DNAH2: variants seen among roughly 807,000 people sequenced by gnomAD.
DNAH2 encodes the protein dynein axonemal heavy chain 2.
Under a neutral mutation model 523.5 loss-of-function variants are expected in DNAH2, and 323 were observed. The ratio of observed to expected loss-of-function variants is 0.62; its 90% confidence interval spans 0.56 to 0.68. DNAH2 has a LOEUF of 0.68. DNAH2 is among the 30% of genes least tolerant of loss of function. DNAH2 has a pLI of 0.00. For missense variants in DNAH2, 4,907 were observed against 5,701.5 expected (o/e 0.86, Z 4.49); for synonymous variants, 2,093 against 2,177.4 (o/e 0.96, Z 1.08).
Position 7,831,011 on chromosome 17 carries a change from T to C in DNAH2, c.12231-75T>C. On this transcript the variant is annotated intron_variant, in intron 79 of 85. Transcript: ENST00000572933. This position sits in a 1 kb window ranked among gnomAD's most constrained non-coding sequence, Gnocchi z 4.2. ...GGGAGCTGGACAAATTGGACATGCA[T>C]AGGTTTGGGGTCTTGGCCTGGCATT... The C allele has an allele frequency of 6.5e-7, 1 of 1,527,606 alleles. No homozygotes were observed. The highest frequency in any genetic ancestry group is 1.2e-5 in the South Asian group (1 of 86,862). 94.6% of individuals were successfully genotyped at this position (1,527,606 alleles called of 1,614,324 possible).
Position 7,766,268 on chromosome 17 carries a change from C to G in DNAH2, c.3512-50C>G, listed in dbSNP as rs369811609. 1.9e-6 allele frequency: 3 copies of G among 1,590,576 alleles called. No individual in the cohort carries two copies. In the African/African-American group the frequency reaches 4.0e-5, roughly 21 times the overall value. On this transcript the variant is annotated intron_variant, in intron 21 of 85. Coordinates refer to ENST00000572933, the MANE Select transcript of DNAH2 (RefSeq NM_020877.5). The stretch of plus-strand genomic sequence containing the variant: ...AAAGAGATAGGAGAGCCATGGCTGT[C>G]CTTGCCAGACGTGAGCGGGAAGCTG...
At chr17:7,766,640 CTTTTTTT>C (rs58072098) in intron 22 of DNAH2, among the ~76,000 whole-genome samples, 159 bp downstream of exon 22, 4,719 of 84,398 alleles carry the variant, frequency 0.056, 121 homozygotes, top group Middle Eastern at 0.12. Context: ...AAAATTAATC[CTTTTTTT>C]TTTTTTTTTT....
At position 7,786,752 on chromosome 17, in the gene DNAH2, G is replaced by A; in HGVS notation, c.6466+65G>A. The A allele has an allele frequency of 6.3e-7, 1 of 1,599,640 alleles. No homozygotes were observed. ...AGTCTCCTAAGGGGGCAGGGAGTCTGGGGATAGGAAGTTCCAAGTTGGGAG... is the reference window on the plus strand; with the variant it reads ...AGTCTCCTAAGGGGGCAGGGAGTCTAGGGATAGGAAGTTCCAAGTTGGGAG... On this transcript the variant is annotated intron_variant, in intron 41 of 85. Transcript: ENST00000572933. The surrounding 1 kb of genome is among the most constrained non-coding windows in gnomAD (Gnocchi z 7.5).
chr17:7,751,838 G>A (rs1367538377), intron 12 of DNAH2, among the ~76,000 whole-genome samples: 1 of 151,842 alleles, frequency 6.6e-6, no homozygotes, highest in Non-Finnish European at 1.5e-5. Context: ...TATTTTTATA[G>A]GAATAGAGAT....
chr17:7,806,396 G>A (rs1319292630), intron 61 of DNAH2, among the ~76,000 whole-genome samples: 1 of 152,092 alleles, frequency 6.6e-6, no homozygotes, highest in Admixed American at 6.6e-5. Flanking sequence ...GGTGGCTCAC[G>A]CCTGTAATCC....
intron 4 of DNAH2, among the ~76,000 whole-genome samples, chr17:7,727,754 C>CAAAAAAAAAAAAAAAAA (rs766811062): frequency 2.0e-5 from 1 of 48,978 alleles, no homozygotes; most frequent in African/African-American, 8.4e-5. Flanking sequence ...GACTCTGTCT[C>CAAAAAAAAAAAAAAAAA]AAAAAAAAAA....
At chr17:7,740,777 G>C in intron 10 of DNAH2, 33 bp from the exon 11 acceptor site, 1 of 1,586,640 alleles carries the variant, frequency 6.3e-7, no homozygotes, top group Non-Finnish European at 8.6e-7. Flanking sequence ...GCCTTCCCGG[G>C]CACGTCGCCA....
rs759054845 is a variant in DNAH2, at chr17:7,780,442, G to A, written c.5850+158G>A. On this transcript the variant is annotated intron_variant, in intron 37 of 85. Coordinates refer to ENST00000572933, the MANE Select transcript of DNAH2 (RefSeq NM_020877.5). The surrounding 1 kb of genome is among the most constrained non-coding windows in gnomAD (Gnocchi z 4.4). Reference sequence around the variant, plus strand: ...TGGGGAGAAAAATTTAGGGGAGGGAGGTGTCTCCTCCGTGATATCACTAAC... The same window carrying A: ...TGGGGAGAAAAATTTAGGGGAGGGAAGTGTCTCCTCCGTGATATCACTAAC... 1.3e-5 allele frequency among the ~76,000 whole-genome samples: 2 copies of A among 152,324 alleles called. No individual in the cohort carries two copies. The highest frequency in any genetic ancestry group is 2.4e-5 in the African/African-American group (1 of 41,578).
rs774983464 is a variant in DNAH2, at chr17:7,759,006, T to C, written c.2330T>C (p.Phe777Ser). ...AAACGGGTATACAGGGACCTGGAAT[T>C]TGAAGAGGACCAAAGAGAGCATCGG... ...SGKRVYRDLE[F>S]EEDQREHRAA... is the part of the protein sequence containing the mutation. Residue 777 changes from phenylalanine (F) to serine (S), a missense_variant, in exon 15 of 86, where the codon TTT becomes TCT. Coordinates refer to ENST00000572933, the MANE Select transcript of DNAH2 (RefSeq NM_020877.5). 8.1e-6 allele frequency: 13 copies of C among 1,614,118 alleles called. No homozygotes were observed. The highest frequency in any genetic ancestry group is 1.0e-5 in the Non-Finnish European group (12 of 1,180,014).
At chr17:7,811,134 T>C (rs906114606) in intron 63 of DNAH2, among the ~76,000 whole-genome samples, 9 of 152,134 alleles carry the variant, frequency 5.9e-5, no homozygotes, top group African/African-American at 2.2e-4. Flanking sequence ...TCCCTAAGGT[T>C]GAACATTCAG....
intron 44 of DNAH2, among the ~76,000 whole-genome samples, chr17:7,789,230 A>T (rs1360727340): frequency 6.6e-6 from 1 of 152,254 alleles, no homozygotes; most frequent in Non-Finnish European, 1.5e-5. Flanking sequence ...GGCAGAGGGC[A>T]GTTACGAGTT....
chr17:7,741,482 C>T lies in DNAH2; in HGVS notation c.1689+490C>T, dbSNP rs1329174553. On this transcript the variant is annotated intron_variant, in intron 11 of 85. Transcript: ENST00000572933. ...ACACCATTCTCCTGCCTCAGCCTCC[C>T]GAGTAGCTGGGACTACAGGTGCCCG... Among the ~76,000 whole-genome samples, 13 of 151,060 alleles carry T rather than the reference C, an allele frequency of 8.6e-5. No individual in the cohort carries two copies. The East Asian group carries it at 1.8e-3, about 20-fold the overall frequency.
At position 7,775,289 on chromosome 17, in the gene DNAH2, G is replaced by A. The variant is rs781350890; in HGVS notation, c.4768G>A (p.Asp1590Asn). The A allele has an allele frequency of 1.6e-5, 26 of 1,613,670 alleles. No individual in the cohort carries two copies. The highest frequency in any genetic ancestry group is 1.6e-4 in the East Asian group (7 of 44,880). The change falls in exon 30 of 86, where the codon GAC (aspartate) becomes AAC (asparagine). Residue 1590 changes from aspartate (D) to asparagine (N), a missense_variant. Asp to Asn is a conservative substitution (Grantham distance 23, BLOSUM62 1). Coordinates refer to ENST00000572933, the MANE Select transcript of DNAH2 (RefSeq NM_020877.5). ...GGAAGCTGTGGGGATGTTCTCGGGC[G>A]ACGGCGAGTACATTGACTTCCTCCA... ...KWEAVGMFSGDGEYIDFLHSV... is the reference protein window; with the variant it reads ...KWEAVGMFSGNGEYIDFLHSV...
At position 7,775,215 on chromosome 17, in the gene DNAH2, C is replaced by T. The variant is rs1020603989; in HGVS notation, c.4720-26C>T. 2.7e-5 allele frequency: 44 copies of T among 1,604,346 alleles called. No individual in the cohort carries two copies. In the Admixed American group the frequency reaches 6.1e-4, roughly 22 times the overall value. Reference sequence around the variant, plus strand: ...GGACACCAAGGGTGGGCAGGCCAGGCTCTGAGTAGCTTCTGCTTTCTGCAG... The same window carrying T: ...GGACACCAAGGGTGGGCAGGCCAGGTTCTGAGTAGCTTCTGCTTTCTGCAG... On this transcript the variant is annotated intron_variant, in intron 29 of 85. Transcript: ENST00000572933.
intron 3 of DNAH2, 60 bp from the exon 4 acceptor site, chr17:7,727,062 G>T: frequency 6.8e-7 from 1 of 1,473,554 alleles, no homozygotes; most frequent in South Asian, 1.5e-5. Flanking sequence ...GATTGTGGAT[G>T]GGAGGAATGA....
In DNAH2 at chr17:7,765,466, C is replaced by T. The variant is rs187039040; in HGVS notation, c.3412C>T (p.Leu1138=). 1 of 1,614,248 alleles carries T rather than the reference C, an allele frequency of 6.2e-7. No individual in the cohort carries two copies. Among genetic ancestry groups the T allele is most frequent in the East Asian group, 2.2e-5 (1 of 44,886 alleles). ...AACTCTGCTGGACAGTAAGCAAATG[C>T]TGAAGAAACACAAGGAGAAATTCAA... ...QQTLLDSKQM[L]KKHKEKFKTG... The change falls in exon 21 of 86, where the codon CTG becomes TTG. Residue 1138 remains leucine (L), a synonymous_variant. Coordinates refer to ENST00000572933, the MANE Select transcript of DNAH2 (RefSeq NM_020877.5).
chr17:7,726,292 C>T (rs2074807745), intron 3 of DNAH2, among the ~76,000 whole-genome samples: 1 of 140,146 alleles, frequency 7.1e-6, no homozygotes, highest in Admixed American at 7.7e-5. Flanking sequence ...AGGCATGAGC[C>T]ACCATACCCA....
rs368422638 is a variant in DNAH2, at chr17:7,721,454, G to A, written c.166+1554G>A. On this transcript the variant is annotated intron_variant, in intron 2 of 85. Transcript: ENST00000572933. ...CTCCCAAAGTGCTGGGATTACAGGCGTGAGCCACCGCACCCAGTCTCCCCT... is the reference window on the plus strand; with the variant it reads ...CTCCCAAAGTGCTGGGATTACAGGCATGAGCCACCGCACCCAGTCTCCCCT... Among the ~76,000 whole-genome samples the A allele has an allele frequency of 5.9e-4, 90 of 152,090 alleles. 1 individual carries two copies. In the Middle Eastern group the frequency reaches 0.014, roughly 23 times the overall value.
rs772727841 is a variant in DNAH2 at position 7,770,913 on chromosome 17, C to T, written c.4342C>T (p.Arg1448Cys). Residue 1448 changes from arginine (R) to cysteine (C), a missense_variant, in exon 27 of 86, where the codon CGT (arginine) becomes TGT (cysteine). Physicochemically the swap from Arg to Cys is radical, Grantham distance 180. Around this residue, in one of 3 missense-constraint regions of DNAH2, gnomAD observed 2,806 missense variants for 3,190.8 expected, o/e 0.88. Transcript: ENST00000572933. ...EVIEMILTVQ[R>C]QWMYLENIFL... ...TATTGAGATGATTCTCACAGTGCAG[C>T]GTCAGTGGATGTACTTAGAGGTCAG... 44 of 1,613,738 alleles carry T rather than the reference C, an allele frequency of 2.7e-5. No individual in the cohort carries two copies. Among genetic ancestry groups the T allele is most frequent in the Middle Eastern group, 3.4e-4 (2 of 5,842 alleles).
Sources: allele counts gnomAD v4.1 joint callset (sites outside exome capture counted in the v4.1 genomes callset), GRCh38; gene constraint gnomAD v4.1.1; regional missense constraint gnomAD v4.1.1; non-coding constraint Gnocchi (gnomAD v3.1); transcripts MANE v1.5; gene names NCBI Gene and HGNC (gene_info 2026-07-23, HGNC 2026-07-21).